Variants in DOCK3 observed in about 807,000 individuals in gnomAD.
DOCK3 encodes the protein dedicator of cytokinesis protein 3.
Under a neutral mutation model 265.6 loss-of-function variants are expected in DOCK3, and 60 were observed. The observed-to-expected ratio is 0.23, with a 90% confidence interval of 0.18 to 0.28. DOCK3 has a LOEUF of 0.28. DOCK3 is among the 10% of genes least tolerant of loss of function. The pLI, the probability that DOCK3 is intolerant of heterozygous loss-of-function variation, is 1.00. For missense variants in DOCK3, 1,981 were observed against 2,594.3 expected, an observed-to-expected ratio of 0.76 and a Z score of 5.14; for synonymous variants, 881 against 938.0, an observed-to-expected ratio of 0.94 and a Z score of 1.11.
intron 5 of DOCK3, among the ~76,000 whole-genome samples, chr3:50,936,570 A>G (rs1256011494): frequency 6.6e-6 from 1 of 152,212 alleles, no homozygotes; most frequent in African/African-American, 2.4e-5. Context: ...GCTAGAGGAC[A>G]TTAACACATT....
chr3:51,370,147 A>G (rs573613568), intron 49 of DOCK3, among the ~76,000 whole-genome samples: 1 of 152,366 alleles, frequency 6.6e-6, no homozygotes, highest in Non-Finnish European at 1.5e-5. Flanking sequence ...GGCCTTGGGA[A>G]TAAAAAGAAA....
Position 51,363,210 on chromosome 3 carries a change from T to C in DOCK3, c.5293+536T>C, listed in dbSNP as rs1397805444. ...GATTTCTTGTTCAGTTGAATGAATA[T>C]TGTTCTTTGAGAGGCAGCATCTTCG... On this transcript the variant is annotated intron_variant, in intron 49 of 52. Transcript: ENST00000266037. Among the ~76,000 whole-genome samples, 3 of 152,368 alleles carry C rather than the reference T, an allele frequency of 2.0e-5. No individual in the cohort carries two copies. The East Asian group carries it at 5.8e-4, about 29-fold the overall frequency.
intron 9 of DOCK3, among the ~76,000 whole-genome samples, chr3:51,113,152 T>C (rs909700160): frequency 6.6e-6 from 1 of 152,144 alleles, no homozygotes; most frequent in Non-Finnish European, 1.5e-5. Flanking sequence ...TCTTGTAGTT[T>C]ATGTTCTAGA....
At chr3:50,907,235 T>G (rs2049568102) in intron 4 of DOCK3, among the ~76,000 whole-genome samples, 1 of 152,130 alleles carries the variant, frequency 6.6e-6, no homozygotes, top group Non-Finnish European at 1.5e-5. Flanking sequence ...TTCTTTTGAT[T>G]TGGTGTGGAG....
intron 14 of DOCK3, among the ~76,000 whole-genome samples, chr3:51,223,094 A>G (rs1439952928): frequency 1.3e-5 from 2 of 152,088 alleles, no homozygotes; most frequent in African/African-American, 4.8e-5. Context: ...GTACACTACC[A>G]TGTTTAGCTA....
rs5848916 is a variant in DOCK3, at chr3:51,114,110, TAA to T, written c.746+23737_746+23738del. ...GGCAACAGAGCAAGACCCTGTCTCA[TAA>T]AAAAAAAAAATGCCTGAATGATTGG... On this transcript the variant is annotated intron_variant, in intron 9 of 52. Transcript: ENST00000266037. Among the ~76,000 whole-genome samples the T allele has an allele frequency of 7.2e-4, 107 of 149,420 alleles. 1 individual carries two copies. Among genetic ancestry groups the T allele is most frequent in the Admixed American group, 1.5e-3 (22 of 14,976 alleles).
intron 3 of DOCK3, among the ~76,000 whole-genome samples, chr3:50,859,267 G>A (rs2046784306): frequency 7.6e-6 from 1 of 131,150 alleles, no homozygotes; most frequent in Non-Finnish European, 1.5e-5. Context: ...CCAGGCTGGA[G>A]TACAGTGGCA....
intron 35 of DOCK3, among the ~76,000 whole-genome samples, chr3:51,336,121 A>G (rs2084853186): frequency 6.6e-6 from 1 of 152,222 alleles, no homozygotes; most frequent in Non-Finnish European, 1.5e-5. Context: ...TAAACAAATA[A>G]TCAATAGATT....
At chr3:51,337,528 T>C (rs2110050732) in intron 35 of DOCK3, among the ~76,000 whole-genome samples, 1 of 152,270 alleles carries the variant, frequency 6.6e-6, no homozygotes, top group East Asian at 1.9e-4. Context: ...CTAGATCTTC[T>C]CCATAGCAGT....
At chr3:51,375,943 GGTCTGTCC>G in intron 51 of DOCK3, 108 bp downstream of exon 51, 1 of 1,135,680 alleles carries the variant, frequency 8.8e-7, no homozygotes, top group Non-Finnish European at 1.3e-6. Flanking sequence ...TCAACACTCA[GGTCTGTCC>G]GTCTGTCCAG....
chr3:50,904,897 CT>C (rs1354261803), intron 4 of DOCK3, among the ~76,000 whole-genome samples: 1 of 152,044 alleles, frequency 6.6e-6, no homozygotes, highest in African/African-American at 2.4e-5. Flanking sequence ...GGTTTTAGGT[CT>C]AACATTTAAG....
intron 37 of DOCK3, among the ~76,000 whole-genome samples, chr3:51,340,679 T>G (rs2085179079): frequency 1.3e-5 from 2 of 152,342 alleles, no homozygotes; most frequent in East Asian, 3.9e-4. Flanking sequence ...GTGGCTGTGA[T>G]TCAGTATGAC....
At chr3:51,294,987 AT>A (rs1446846055) in intron 27 of DOCK3, among the ~76,000 whole-genome samples, 4 of 152,246 alleles carry the variant, frequency 2.6e-5, no homozygotes, top group Non-Finnish European at 4.4e-5. Flanking sequence ...GTATTGACAC[AT>A]CAGATTGTGT....
intron 13 of DOCK3, among the ~76,000 whole-genome samples, chr3:51,210,532 A>C (rs2089446151): frequency 6.6e-6 from 1 of 152,222 alleles, no homozygotes; most frequent in Non-Finnish European, 1.5e-5. Context: ...AAAATGACTT[A>C]GTGGCTGAAC....
chr3:51,265,303 A>G (rs763166969), intron 23 of DOCK3, among the ~76,000 whole-genome samples: 6 of 152,242 alleles, frequency 3.9e-5, no homozygotes, highest in Non-Finnish European at 7.3e-5. Context: ...TCCTTCTGAA[A>G]CTATTCCAAA....
intron 2 of DOCK3, among the ~76,000 whole-genome samples, chr3:50,826,198 T>C: frequency 6.6e-6 from 1 of 152,188 alleles, no homozygotes; most frequent in Admixed American, 6.5e-5. Context: ...CTTGTTTACT[T>C]TTCCCTCAGC....
At chr3:51,202,289 AAAG>A (rs2088840967) in intron 12 of DOCK3, among the ~76,000 whole-genome samples, 1 of 151,162 alleles carries the variant, frequency 6.6e-6, no homozygotes, top group African/African-American at 2.4e-5. Context: ...ATAAAGAAAA[AAAG>A]AGAGAAGAAT....
chr3:51,278,707 C>A (rs1346500313), intron 26 of DOCK3, among the ~76,000 whole-genome samples: 1 of 152,082 alleles, frequency 6.6e-6, no homozygotes, highest in Non-Finnish European at 1.5e-5. Context: ...CCAGACCCTG[C>A]TTTAAGCACT....
At chr3:50,850,171 AG>A in intron 3 of DOCK3, among the ~76,000 whole-genome samples, 1 of 151,920 alleles carries the variant, frequency 6.6e-6, no homozygotes, top group African/African-American at 2.4e-5. Context: ...ACCTGAGCTC[AG>A]GAGTTTGAGA....
Sources: allele counts gnomAD v4.1 joint callset (sites outside exome capture counted in the v4.1 genomes callset), GRCh38; gene constraint gnomAD v4.1.1; transcripts MANE v1.5; gene names NCBI Gene and HGNC (gene_info 2026-07-23, HGNC 2026-07-21).